Variants in COG4 observed in about 807,000 individuals in gnomAD.
The protein encoded by COG4 is conserved oligomeric Golgi complex subunit 4.
COG4 carries 65 observed loss-of-function variants against 95.1 expected under a neutral mutation model. The observed-to-expected ratio is 0.68, with a 90% confidence interval of 0.56 to 0.84. The LOEUF (loss-of-function observed/expected upper bound fraction) is 0.84, where lower values mean the gene tolerates loss of function less well. Among genes scored for constraint, COG4 ranks in the 40% least tolerant of loss-of-function variants. The pLI, the probability that COG4 is intolerant of heterozygous loss-of-function variation, is 0.00. For missense variants in COG4, 1,045 were observed against 989.1 expected (o/e 1.06, Z -0.76); for synonymous variants, 421 against 374.8 (o/e 1.12, Z -1.42).
At position 70,482,740 on chromosome 16, in the gene COG4, T is replaced by C; in HGVS notation, c.1909A>G (p.Asn637Asp). ...GTGGCCAGGCTAACCTCCTCGATGT[T>C]GTGGGAGACGGAGAAAAAGCTGTTG... ...WINSFFSVSH[N>D]IEEEEFNDYE... The change falls in exon 15 of 19, where the codon AAC (asparagine) becomes GAC (aspartate). Residue 637 changes from asparagine (N) to aspartate (D), a missense_variant. By Grantham distance (23) the Asn-to-Asp change is conservative (BLOSUM62 1). Coordinates refer to ENST00000323786, the MANE Select transcript of COG4 (RefSeq NM_015386.3). The C allele has an allele frequency of 6.2e-7, 1 of 1,613,754 alleles. No homozygotes were observed. Among genetic ancestry groups the C allele is most frequent in the Non-Finnish European group, 8.5e-7 (1 of 1,179,822 alleles).
At chr16:70,491,624 AC>A (rs1442145028) in intron 12 of COG4, among the ~76,000 whole-genome samples, 3 of 150,460 alleles carry the variant, frequency 2.0e-5, no homozygotes. Flanking sequence ...GGAGTTTGAG[AC>A]CAGCCTGCCC....
chr16:70,502,427 C>T (rs754816783), intron 8 of COG4, among the ~76,000 whole-genome samples: 4 of 150,906 alleles, frequency 2.7e-5, no homozygotes, highest in Non-Finnish European at 5.9e-5. Flanking sequence ...CATGGAGAAA[C>T]CCCGTCTCCA....
chr16:70,486,618 A>T (rs898266895), intron 13 of COG4, among the ~76,000 whole-genome samples: 1 of 152,214 alleles, frequency 6.6e-6, no homozygotes, highest in Non-Finnish European at 1.5e-5. Context: ...TGAATTTCTA[A>T]TATTTCCCCA....
intron 13 of COG4, among the ~76,000 whole-genome samples, chr16:70,487,645 T>C (rs1208907188): frequency 1.3e-5 from 2 of 152,182 alleles, no homozygotes; most frequent in African/African-American, 4.8e-5. Flanking sequence ...AGATACTATG[T>C]TATGTTGTAC....
intron 9 of COG4, among the ~76,000 whole-genome samples, chr16:70,499,391 T>C (rs903390147): frequency 2.6e-5 from 4 of 152,174 alleles, no homozygotes; most frequent in Admixed American, 2.0e-4. Context: ...ACAAGCGAAC[T>C]CCAAATGAGC....
chr16:70,522,578 G>A (rs1376619343), intron 1 of COG4, among the ~76,000 whole-genome samples: 2 of 152,198 alleles, frequency 1.3e-5, no homozygotes, highest in Non-Finnish European at 2.9e-5. Context: ...CTCTCCCTCA[G>A]GCTGAAACTG....
At chr16:70,506,366 G>A (rs1175791450) in intron 8 of COG4, among the ~76,000 whole-genome samples, 1 of 151,768 alleles carries the variant, frequency 6.6e-6, no homozygotes, top group African/African-American at 2.4e-5. Context: ...TCGTGCCACT[G>A]CACTCCAGCC....
At chr16:70,521,149 G>A (rs1356856702) in intron 1 of COG4, among the ~76,000 whole-genome samples, 1 of 151,916 alleles carries the variant, frequency 6.6e-6, no homozygotes, top group Non-Finnish European at 1.5e-5. Flanking sequence ...TATAGCTCAA[G>A]CTATCTGCCC....
chr16:70,507,331 G>A (rs2049599649), intron 8 of COG4, among the ~76,000 whole-genome samples: 1 of 151,872 alleles, frequency 6.6e-6, no homozygotes, highest in Non-Finnish European at 1.5e-5. Context: ...CCTTTTCTAT[G>A]TTTCTATGGT....
chr16:70,489,734 A>G (rs1330578500), intron 13 of COG4, among the ~76,000 whole-genome samples: 1 of 147,146 alleles, frequency 6.8e-6, no homozygotes, highest in Non-Finnish European at 1.5e-5. Context: ...GGAGCTATGC[A>G]TCTCATTTCG....
At chr16:70,497,161 C>T in intron 11 of COG4, 60 bp downstream of exon 11, 5 of 1,509,164 alleles carry the variant, frequency 3.3e-6, no homozygotes, top group Non-Finnish European at 4.6e-6. Context: ...AACAAATGGG[C>T]CTCAGGAATC....
rs372113967 is a variant in COG4, at chr16:70,513,272, G to A, written c.545-840C>T. ...TTAAACAAGTCTAGAAAAACAGAGTGTGTAAAGATCATGGAAGATCTAAAA... is the reference window on the plus strand; with the variant it reads ...TTAAACAAGTCTAGAAAAACAGAGTATGTAAAGATCATGGAAGATCTAAAA... On this transcript the variant is annotated intron_variant, in intron 4 of 18. Transcript: ENST00000323786. 1.3e-4 allele frequency among the ~76,000 whole-genome samples: 20 copies of A among 152,326 alleles called. No individual in the cohort carries two copies. In the East Asian group the frequency reaches 2.3e-3, roughly 18 times the overall value.
At chr16:70,509,103 T>A (rs1369144846) in intron 7 of COG4, 128 bp downstream of exon 7, 1 of 1,170,786 alleles carries the variant, frequency 8.5e-7, no homozygotes, top group African/African-American at 1.5e-5. Flanking sequence ...CAGGCCAGTG[T>A]GCGCTTAGCA....
chr16:70,509,073 A>G lies in COG4; in HGVS notation c.1002+158T>C, dbSNP rs1057171140. 4 of 877,214 alleles carry G rather than the reference A, an allele frequency of 4.6e-6. No individual in the cohort carries two copies. The African/African-American group carries it at 6.6e-5, about 15-fold the overall frequency. The allele number at this position is 877,214 out of a possible 1,614,324, so 54.3% of individuals were successfully genotyped here. Reference sequence around the variant, plus strand: ...TCGACAACACCTCAAGTCCAAAGTAAGCTGTCAATGGGCAAGATGCAGGCC... The same window carrying G: ...TCGACAACACCTCAAGTCCAAAGTAGGCTGTCAATGGGCAAGATGCAGGCC... On this transcript the variant is annotated intron_variant, in intron 7 of 18. Coordinates refer to ENST00000323786, the MANE Select transcript of COG4 (RefSeq NM_015386.3).
chr16:70,519,638 C>T lies in COG4; in HGVS notation c.254+11G>A. On this transcript the variant is annotated intron_variant, in intron 2 of 18. Coordinates refer to ENST00000323786, the MANE Select transcript of COG4 (RefSeq NM_015386.3). The stretch of plus-strand genomic sequence containing the variant: ...ATTTACATTAGCTCTTGCTGAGATG[C>T]ACAGACTCACCCCATTCGGTGGAGA... 1 of 1,604,486 alleles carries T rather than the reference C, an allele frequency of 6.2e-7. No individual in the cohort carries two copies. Among genetic ancestry groups the T allele is most frequent in the Non-Finnish European group, 8.5e-7 (1 of 1,171,576 alleles).
chr16:70,505,325 G>A (rs1471305117), intron 8 of COG4, among the ~76,000 whole-genome samples: 13 of 150,080 alleles, frequency 8.7e-5, no homozygotes, highest in Admixed American at 4.6e-4. Context: ...AGCCTCCCAA[G>A]TAGCTGGGAC....
intron 17 of COG4, 33 bp from the exon 18 acceptor site, chr16:70,481,520 G>C (rs747895448): frequency 6.2e-7 from 1 of 1,609,900 alleles, no homozygotes; most frequent in South Asian, 1.1e-5. Flanking sequence ...TCACTACTTA[G>C]GCCTGGCCAA....
At chr16:70,500,066 C>T (rs2049417019) in intron 9 of COG4, among the ~76,000 whole-genome samples, 1 of 151,952 alleles carries the variant, frequency 6.6e-6, no homozygotes, top group Non-Finnish European at 1.5e-5. Flanking sequence ...AACTCCTGGG[C>T]TCAAGCATCC....
rs1188507170 is a variant in COG4 at position 70,488,698 on chromosome 16, C to T, written c.1710+1632G>A. 2.0e-5 allele frequency among the ~76,000 whole-genome samples: 3 copies of T among 152,306 alleles called. No individual in the cohort carries two copies. The Middle Eastern group carries it at 0.01, about 518-fold the overall frequency. ...GAGTAGCTGGGATTATGGGCACATG[C>T]CACCACACCCAGCTAATTTTTTTTG... On this transcript the variant is annotated intron_variant, in intron 13 of 18. Coordinates refer to ENST00000323786, the MANE Select transcript of COG4 (RefSeq NM_015386.3).
Sources: gnomAD v4.1 joint callset for allele counts (sites outside exome capture counted in the v4.1 genomes callset) on GRCh38, gnomAD v4.1.1 for gene constraint, MANE v1.5 for transcripts, NCBI Gene and HGNC (gene_info 2026-07-23, HGNC 2026-07-21) for gene names.